DPYD: variants seen among roughly 807,000 people sequenced by gnomAD.
DPYD encodes the protein dihydropyrimidine dehydrogenase [NADP(+)].
In DPYD, 109 loss-of-function variants were observed where a neutral mutation model predicts 116.2. The ratio of observed to expected loss-of-function variants is 0.94; its 90% CI spans 0.80 to 1.10. DPYD has a LOEUF of 1.10. Among genes scored for constraint, DPYD ranks in the 50% least tolerant of loss-of-function variants. The pLI is 0.00. For missense variants in DPYD, 1,302 were observed against 1,254.5 expected (o/e 1.04, Z -0.57); for synonymous variants, 440 against 432.0 (o/e 1.02, Z -0.23).
intron 2 of DPYD, among the ~76,000 whole-genome samples, chr1:97,844,643 C>A (rs1042754237): frequency 3.3e-5 from 5 of 152,168 alleles, no homozygotes; most frequent in African/African-American, 1.2e-4. Context: ...CTGGAGGAAG[C>A]ATGGCCAGCG....
chr1:97,300,977 T>C (rs1382881921), intron 18 of DPYD, among the ~76,000 whole-genome samples: 2 of 152,080 alleles, frequency 1.3e-5, no homozygotes, highest in African/African-American at 4.8e-5. Flanking sequence ...TACCTTCTTT[T>C]ATTAGTATTT....
chr1:97,774,738 G>A (rs1435878147), intron 3 of DPYD: 1 of 187,064 alleles, frequency 5.3e-6, no homozygotes, highest in African/African-American at 2.4e-5. Context: ...ATCTTCTGGA[G>A]AGCACACGGA....
chr1:97,596,574 T>C lies in DPYD; in HGVS notation c.851-1408A>G, dbSNP rs2786492. Among the ~76,000 whole-genome samples, 1,205 of 152,340 alleles carry C rather than the reference T, an allele frequency of 7.9e-3. 7 individuals carry two copies. Among genetic ancestry groups the C allele is most frequent in the African/African-American group, 0.026 (1,094 of 41,586 alleles). On this transcript the variant is annotated intron_variant, in intron 8 of 22. Coordinates refer to ENST00000370192, the MANE Select transcript of DPYD (RefSeq NM_000110.4). ...TTTATTTTATTACTAAGACTCATTC[T>C]ACCAATGGGTCATTCTAGAGAGGCA...
intron 3 of DPYD, among the ~76,000 whole-genome samples, chr1:97,744,468 T>C (rs910243350): frequency 1.1e-4 from 16 of 151,932 alleles, no homozygotes; most frequent in African/African-American, 3.6e-4. Context: ...AAAAAACACA[T>C]ACACACAAAG....
intron 4 of DPYD, among the ~76,000 whole-genome samples, chr1:97,727,016 T>A (rs1285382195): frequency 2.0e-5 from 3 of 151,708 alleles, no homozygotes; most frequent in African/African-American, 7.2e-5. Flanking sequence ...ATAAAATTTG[T>A]AGGAGGTTAA....
chr1:97,316,746 C>A (rs1459946893), intron 16 of DPYD, among the ~76,000 whole-genome samples: 1 of 151,680 alleles, frequency 6.6e-6, no homozygotes, highest in Non-Finnish European at 1.5e-5. Context: ...CCATTGTTCA[C>A]TTCTTTCTGG....
At chr1:97,412,192 G>A (rs543242833) in intron 14 of DPYD, among the ~76,000 whole-genome samples, 3 of 152,256 alleles carry the variant, frequency 2.0e-5, no homozygotes, top group African/African-American at 7.2e-5. Context: ...TGCATTTGCA[G>A]TTGTAGTCCA....
intron 20 of DPYD, among the ~76,000 whole-genome samples, chr1:97,161,145 C>G (rs1438140038): frequency 2.0e-5 from 3 of 152,084 alleles, no homozygotes; most frequent in Non-Finnish European, 2.9e-5. Flanking sequence ...AGCAGATTAG[C>G]GATTAAATCG....
chr1:97,520,790 G>T (rs992721508), intron 12 of DPYD, among the ~76,000 whole-genome samples: 1 of 152,066 alleles, frequency 6.6e-6, no homozygotes, highest in Admixed American at 6.6e-5. Flanking sequence ...CCATGTCCCT[G>T]CAAAGCACAT....
chr1:97,903,934 A>G (rs1458990473), intron 1 of DPYD, among the ~76,000 whole-genome samples: 1 of 151,948 alleles, frequency 6.6e-6, no homozygotes, highest in Non-Finnish European at 1.5e-5. Flanking sequence ...GGGAAATAGG[A>G]GAAGATGGAG....
chr1:97,725,957 A>G (rs1274326818), intron 4 of DPYD, among the ~76,000 whole-genome samples: 1 of 151,582 alleles, frequency 6.6e-6, no homozygotes, highest in Non-Finnish European at 1.5e-5. Flanking sequence ...CTTCACTTAC[A>G]TGAACAAATA....
intron 4 of DPYD, among the ~76,000 whole-genome samples, chr1:97,727,953 A>G (rs1663364141): frequency 6.6e-6 from 1 of 151,916 alleles, no homozygotes; most frequent in African/African-American, 2.4e-5. Flanking sequence ...AGGGTACTTT[A>G]TAGACACCCC....
chr1:97,194,409 G>T (rs1233913455), intron 19 of DPYD, among the ~76,000 whole-genome samples: 1 of 152,088 alleles, frequency 6.6e-6, no homozygotes, highest in Non-Finnish European at 1.5e-5. Flanking sequence ...TGCCATGATT[G>T]TAAGTTTCCC....
At chr1:97,617,080 C>G (rs1466431259) in intron 8 of DPYD, among the ~76,000 whole-genome samples, 1 of 152,114 alleles carries the variant, frequency 6.6e-6, no homozygotes, top group Non-Finnish European at 1.5e-5. Context: ...TGCACACATG[C>G]AGTCCAAGCT....
At chr1:97,444,674 A>G (rs1038420800) in intron 14 of DPYD, among the ~76,000 whole-genome samples, 1 of 152,154 alleles carries the variant, frequency 6.6e-6, no homozygotes, top group African/African-American at 2.4e-5. Flanking sequence ...GATTTCTGAA[A>G]TGATTGAACA....
chr1:97,828,675 A>G (rs1430780165), intron 2 of DPYD, among the ~76,000 whole-genome samples: 2 of 119,888 alleles, frequency 1.7e-5, no homozygotes, highest in Non-Finnish European at 3.5e-5. Context: ...AGATATAATA[A>G]TAAAAGTTTC....
intron 16 of DPYD, among the ~76,000 whole-genome samples, chr1:97,345,214 C>A (rs1036790379): frequency 1.3e-5 from 2 of 151,794 alleles, no homozygotes; most frequent in Non-Finnish European, 2.9e-5. Context: ...TTTTCCCCTG[C>A]TTACATGAAG....
At chr1:97,662,030 C>G in intron 8 of DPYD, among the ~76,000 whole-genome samples, 1 of 140,698 alleles carries the variant, frequency 7.1e-6, no homozygotes, top group Middle Eastern at 4.0e-3. Context: ...AGTCTCGCTC[C>G]GTCGCCCAGG....
intron 1 of DPYD, among the ~76,000 whole-genome samples, chr1:97,896,523 T>A (rs1459526699): frequency 6.6e-6 from 1 of 151,890 alleles, no homozygotes; most frequent in Non-Finnish European, 1.5e-5. Flanking sequence ...AGGTAAAGTA[T>A]TACTTTTTTA....
Sources: gnomAD v4.1 joint callset for allele counts (sites outside exome capture counted in the v4.1 genomes callset) on GRCh38, gnomAD v4.1.1 for gene constraint, MANE v1.5 for transcripts, NCBI Gene and HGNC (gene_info 2026-07-23, HGNC 2026-07-21) for gene names.